The following WDR72 variants were observed in gnomAD, a reference collection of about 807,000 sequenced individuals.
WDR72 encodes WD repeat-containing protein 72.
Under a neutral mutation model 124.2 loss-of-function variants are expected in WDR72, and 120 were observed. That is an observed-to-expected ratio of 0.97 (90% CI 0.83 to 1.12). WDR72 has a LOEUF of 1.12. Among genes scored for constraint, WDR72 ranks in the 50% most tolerant of loss-of-function variants. The probability of loss-of-function intolerance (pLI) is 0.00; values close to 1 mark genes in which losing one functional copy is unlikely to be tolerated. For missense variants in WDR72, 1,387 were observed against 1,278.8 expected (o/e 1.08, Z -1.29); for synonymous variants, 452 against 441.7 (o/e 1.02, Z -0.29).
At chr15:53,560,176 T>C (rs1894078292) in intron 18 of WDR72, among the ~76,000 whole-genome samples, 1 of 151,906 alleles carries the variant, frequency 6.6e-6, no homozygotes, top group East Asian at 1.9e-4. Flanking sequence ...TCCGATGGCT[T>C]TCTGCAAAAT....
At chr15:53,677,463 C>A (rs2016214867) in intron 13 of WDR72, among the ~76,000 whole-genome samples, 1 of 152,068 alleles carries the variant, frequency 6.6e-6, no homozygotes, top group African/African-American at 2.4e-5. Context: ...TGGCTCTGTC[C>A]CCACTCAAAT....
chr15:53,583,634 T>C (rs773696055), intron 18 of WDR72, among the ~76,000 whole-genome samples: 3 of 152,068 alleles, frequency 2.0e-5, no homozygotes, highest in African/African-American at 7.2e-5. Context: ...GCAATAAATA[T>C]GTTACTGATA....
At chr15:53,746,634 TCTTCAAAA>T (rs1175344486) in intron 1 of WDR72, among the ~76,000 whole-genome samples, 1 of 152,190 alleles carries the variant, frequency 6.6e-6, no homozygotes, top group Non-Finnish European at 1.5e-5. Context: ...CCACCTACTT[TCTTCAAAA>T]CTCATAGGTA....
intron 13 of WDR72, chr15:53,684,300 G>C (rs560326883): frequency 6.4e-6 from 1 of 157,040 alleles, no homozygotes; most frequent in Non-Finnish European, 1.4e-5. Context: ...TGAGGGACCG[G>C]GTTCATCTCA....
intron 2 of WDR72, among the ~76,000 whole-genome samples, chr15:53,727,392 T>C (rs1472827244): frequency 6.6e-6 from 1 of 152,184 alleles, no homozygotes; most frequent in African/African-American, 2.4e-5. Context: ...ACAAATTATT[T>C]CATGACATAA....
At chr15:53,628,848 C>G (rs1268781656) in intron 14 of WDR72, among the ~76,000 whole-genome samples, 1 of 151,380 alleles carries the variant, frequency 6.6e-6, no homozygotes, top group African/African-American at 2.4e-5. Context: ...TTTAGCTAAG[C>G]TCAAAAACAA....
At chr15:53,551,621 T>C (rs1467596924) in intron 18 of WDR72, among the ~76,000 whole-genome samples, 1 of 152,122 alleles carries the variant, frequency 6.6e-6, no homozygotes, top group East Asian at 1.9e-4. Flanking sequence ...TCTTATGCTA[T>C]GTAAAAATTA....
chr15:53,676,422 C>T (rs2140470713), intron 13 of WDR72, among the ~76,000 whole-genome samples: 1 of 152,314 alleles, frequency 6.6e-6, no homozygotes, highest in South Asian at 2.1e-4. Context: ...GCAGAAAGTT[C>T]TCTCCAGCCA....
chr15:53,535,184 A>G (rs1330556585), intron 18 of WDR72, among the ~76,000 whole-genome samples: 3 of 152,196 alleles, frequency 2.0e-5, no homozygotes. Flanking sequence ...AACCATTTAC[A>G]CATAGAATTT....
rs1567022525 is a variant in WDR72 at position 53,680,163 on chromosome 15, TAG to T, written c.1766-14397_1766-14396del. Reference sequence around the variant, plus strand: ...ACCAGAAATATTCTCTGAGATAAGATAGGTTAATAGAATGCTCAGTTTCCTGC... The same window carrying T: ...ACCAGAAATATTCTCTGAGATAAGATGTTAATAGAATGCTCAGTTTCCTGC... On this transcript the variant is annotated intron_variant, in intron 13 of 19. Coordinates refer to ENST00000360509, the MANE Select transcript of WDR72 (RefSeq NM_182758.4). 9.8e-5 allele frequency among the ~76,000 whole-genome samples: 15 copies of T among 152,302 alleles called. No homozygotes were observed. The East Asian group carries it at 2.9e-3, about 29-fold the overall frequency.
At chr15:53,520,771 T>A (rs1478994660) in intron 19 of WDR72, among the ~76,000 whole-genome samples, 2 of 152,002 alleles carry the variant, frequency 1.3e-5, no homozygotes, top group Non-Finnish European at 2.9e-5. Context: ...CTTTGAAAAG[T>A]GAAAAGTCAT....
intron 13 of WDR72, among the ~76,000 whole-genome samples, chr15:53,675,289 G>A (rs1425921779): frequency 6.6e-6 from 1 of 151,116 alleles, no homozygotes; most frequent in Non-Finnish European, 1.5e-5. Flanking sequence ...GTTGCAGTGA[G>A]CTGAGATTGC....
chr15:53,657,182 T>G (rs1311907961), intron 14 of WDR72, among the ~76,000 whole-genome samples: 1 of 145,314 alleles, frequency 6.9e-6, no homozygotes, highest in African/African-American at 2.6e-5. Context: ...GAGAATCACT[T>G]GAACCTGGGA....
At chr15:53,697,513 T>G (rs2017039474) in intron 13 of WDR72, among the ~76,000 whole-genome samples, 1 of 152,190 alleles carries the variant, frequency 6.6e-6, no homozygotes, top group Admixed American at 6.5e-5. Context: ...CCAACAACAA[T>G]GTTTTCTCCT....
At chr15:53,629,887 G>A (rs751987063) in intron 14 of WDR72, among the ~76,000 whole-genome samples, 32 of 152,026 alleles carry the variant, frequency 2.1e-4, no homozygotes, top group Admixed American at 7.2e-4. Flanking sequence ...CACAAAATTG[G>A]CAATATTTCA....
Position 53,699,858 on chromosome 15 carries a change from C to T in WDR72, c.1657G>A (p.Ala553Thr). Reference protein sequence around the residue: ...HLEGKSCLLHARKHLFPVRMI... With the variant: ...HLEGKSCLLHTRKHLFPVRMI... Reference sequence around the variant, plus strand: ...CTCACAGGAAAAAGGTGCTTCCGGGCATGCAGGAGGCAACTCTTTCCCTCA... The same window carrying T: ...CTCACAGGAAAAAGGTGCTTCCGGGTATGCAGGAGGCAACTCTTTCCCTCA... The change falls in exon 13 of 20, where the codon GCC becomes ACC. Residue 553 changes from alanine to threonine, a missense_variant. Coordinates refer to ENST00000360509, the MANE Select transcript of WDR72 (RefSeq NM_182758.4). 6.2e-7 allele frequency: 1 copy of T among 1,614,166 alleles called. No homozygotes were observed. The highest frequency in any genetic ancestry group is 1.1e-5 in the South Asian group (1 of 91,082).
intron 14 of WDR72, among the ~76,000 whole-genome samples, chr15:53,642,727 C>T (rs749418003): frequency 2.8e-4 from 42 of 152,048 alleles, no homozygotes; most frequent in Non-Finnish European, 5.6e-4. Flanking sequence ...ATATTACTGG[C>T]ATAATATCCA....
intron 4 of WDR72, 127 bp downstream of exon 4, chr15:53,716,480 C>G: frequency 1.3e-6 from 1 of 743,274 alleles, no homozygotes. Context: ...GATATTTGAC[C>G]CTCATGACAA....
chr15:53,715,417 A>G (rs1370701383), intron 4 of WDR72, 50 bp from the exon 5 acceptor site: 5 of 1,604,162 alleles, frequency 3.1e-6, no homozygotes, highest in Non-Finnish European at 4.3e-6. Context: ...TAAAATTAAC[A>G]TAATTTGGCT....
Sources: allele counts gnomAD v4.1 joint callset (sites outside exome capture counted in the v4.1 genomes callset), GRCh38; gene constraint gnomAD v4.1.1; transcripts MANE v1.5; gene names NCBI Gene and HGNC (gene_info 2026-07-23, HGNC 2026-07-21).